Variants in PCDHGA3 observed in about 807,000 individuals in gnomAD.
PCDHGA3 encodes protocadherin gamma-A3.
In PCDHGA3, 40 loss-of-function variants were observed where a neutral mutation model predicts 58.5. The ratio of observed to expected loss-of-function variants is 0.68; its 90% confidence interval spans 0.53 to 0.89. The LOEUF is 0.89. Among genes scored for constraint, PCDHGA3 ranks in the 40% least tolerant of loss-of-function variants. The probability of loss-of-function intolerance (pLI) is 0.00; values close to 1 mark genes in which losing one functional copy is unlikely to be tolerated. For synonymous variants in PCDHGA3, 530 were observed against 525.7 expected, an observed-to-expected ratio of 1.01 and a Z score of -0.11; for missense variants, 1,223 against 1,195.9, an observed-to-expected ratio of 1.02 and a Z score of -0.33.
Position 141,431,883 on chromosome 5 carries a change from A to T in PCDHGA3, c.2425-62924A>T, listed in dbSNP as rs748968989. 6.8e-6 allele frequency: 11 copies of T among 1,614,118 alleles called. No individual in the cohort carries two copies. The highest frequency in any genetic ancestry group is 1.1e-5 in the South Asian group (1 of 91,084). On this transcript the variant is annotated intron_variant, in intron 1 of 3. Transcript: ENST00000253812. The surrounding 1 kb of genome is among the most constrained non-coding windows in gnomAD (Gnocchi z 4.8). ...GCCCTTTTAAATGTAAATGACCAAG[A>T]TTCTGAGGAAAACGGACAGGTGATC...
In PCDHGA3 at chr5:141,476,606, G is replaced by A; in HGVS notation, c.2425-18201G>A. 1 of 1,614,244 alleles carries A rather than the reference G, an allele frequency of 6.2e-7. No homozygotes were observed. Among genetic ancestry groups the A allele is most frequent in the Non-Finnish European group, 8.5e-7 (1 of 1,180,046 alleles). Reference sequence around the variant, plus strand: ...GCTCGAGAGCGCGCACGATCCCGATGTGGGAAGCAACTCTTTACAAACCTA... The same window carrying A: ...GCTCGAGAGCGCGCACGATCCCGATATGGGAAGCAACTCTTTACAAACCTA... On this transcript the variant is annotated intron_variant, in intron 1 of 3. Transcript: ENST00000253812. The surrounding 1 kb of genome is among the most constrained non-coding windows in gnomAD (Gnocchi z 7.6).
chr5:141,355,458 C>T lies in PCDHGA3; in HGVS notation c.2424+9001C>T, dbSNP rs1759862433. The T allele has an allele frequency of 3.1e-6, 5 of 1,614,050 alleles. No individual in the cohort carries two copies. The South Asian group carries it at 5.5e-5, about 18-fold the overall frequency. ...ACCCGCGCAGCGGCACCTTGGTCAC[C>T]GCGGGTAGGATAGACAGGGAGGAGC... On this transcript the variant is annotated intron_variant, in intron 1 of 3. Coordinates refer to ENST00000253812, the MANE Select transcript of PCDHGA3 (RefSeq NM_018916.4).
intron 1 of PCDHGA3, chr5:141,350,837 C>A: frequency 6.2e-7 from 1 of 1,614,044 alleles, no homozygotes; most frequent in African/African-American, 1.3e-5. Flanking sequence ...GGTATTACTG[C>A]TGGAAAAACC....
chr5:141,427,192 A>G (rs1191677237), intron 1 of PCDHGA3: 2 of 456,566 alleles, frequency 4.4e-6, no homozygotes, highest in African/African-American at 4.0e-5. Flanking sequence ...AAATCCAAAG[A>G]CTTAATAGAC....
chr5:141,412,992 G>A (rs1367027301), intron 1 of PCDHGA3: 1 of 568,350 alleles, frequency 1.8e-6, no homozygotes, highest in Non-Finnish European at 3.0e-6. Flanking sequence ...AGCTCAATCC[G>A]GATTCTCAGG....
Position 141,490,667 on chromosome 5 carries a change from T to C in PCDHGA3, c.2425-4140T>C, listed in dbSNP as rs906656199. The stretch of plus-strand genomic sequence containing the variant: ...CCTCCGGGCTCCCTTCTTTGCACTG[T>C]GGCTGCCTCAGATCCAGACACTGGG... On this transcript the variant is annotated intron_variant, in intron 1 of 3. Transcript: ENST00000253812. This position sits in a 1 kb window ranked among gnomAD's most constrained non-coding sequence, Gnocchi z 5.4. The C allele has an allele frequency of 6.8e-6, 11 of 1,614,206 alleles. 1 individual carries two copies. The highest frequency in any genetic ancestry group is 4.5e-5 in the East Asian group (2 of 44,876).
At chr5:141,427,411 A>C (rs1256606726) in intron 1 of PCDHGA3, 2 of 464,124 alleles carry the variant, frequency 4.3e-6, no homozygotes, top group Admixed American at 2.3e-5. Flanking sequence ...GATTCGAGAG[A>C]AAATGGGGAG....
intron 1 of PCDHGA3, among the ~76,000 whole-genome samples, chr5:141,435,652 G>C (rs978809372): frequency 6.6e-6 from 1 of 152,108 alleles, no homozygotes; most frequent in Non-Finnish European, 1.5e-5. Context: ...TTTCTGAAAC[G>C]TGCACAGATT....
At chr5:141,413,605 G>A in intron 1 of PCDHGA3, 1 of 1,613,854 alleles carries the variant, frequency 6.2e-7, no homozygotes, top group Non-Finnish European at 8.5e-7. Flanking sequence ...AAATCTAGAC[G>A]TAAAAATTAA....
intron 1 of PCDHGA3, chr5:141,410,860 T>TTTTTTTTTTTTTTTTTTG: frequency 2.3e-6 from 1 of 442,030 alleles, no homozygotes; most frequent in Non-Finnish European, 3.7e-6. Flanking sequence ...TTTTTTTTTT[T>TTTTTTTTTTTTTTTTTTG]TTTTTTTTTT....
At position 141,430,677 on chromosome 5, in the gene PCDHGA3, T is replaced by C. The variant is rs888907330; in HGVS notation, c.2425-64130T>C. On this transcript the variant is annotated intron_variant, in intron 1 of 3. Coordinates refer to ENST00000253812, the MANE Select transcript of PCDHGA3 (RefSeq NM_018916.4). ...AACGGAGGAGCTCTGACTTCCCAAC[T>C]GTCCCATTCTATGGGCGAAGGAACT... 1.2e-5 allele frequency: 15 copies of C among 1,303,020 alleles called. No individual in the cohort carries two copies. In the African/African-American group the frequency reaches 2.1e-4, roughly 18 times the overall value. The allele number at this position is 1,303,020 out of a possible 1,614,324, so 80.7% of individuals were successfully genotyped here. A position where few individuals can be genotyped will look rare whatever the true frequency, so the allele number is the denominator to read the frequency against.
In PCDHGA3 at chr5:141,477,590, C is replaced by T. The variant is rs1465863595; in HGVS notation, c.2425-17217C>T. On this transcript the variant is annotated intron_variant, in intron 1 of 3. Coordinates refer to ENST00000253812, the MANE Select transcript of PCDHGA3 (RefSeq NM_018916.4). This position sits in a 1 kb window ranked among gnomAD's most constrained non-coding sequence, Gnocchi z 4.9. ...CCCCGACGCCCCGCAGAATGCTCGG[C>T]TTTCTTTCTTTCTCTTGGAGCAAGG... The T allele has an allele frequency of 1.2e-6, 2 of 1,614,122 alleles. No individual in the cohort carries two copies. Among genetic ancestry groups the T allele is most frequent in the South Asian group, 2.2e-5 (2 of 91,080 alleles).
At chr5:141,398,356 G>A (rs1242233046) in intron 1 of PCDHGA3, 2 of 1,409,378 alleles carry the variant, frequency 1.4e-6, no homozygotes, top group South Asian at 1.2e-5. Context: ...TTACTTCACC[G>A]TGAGCGCAGA....
rs563654735 is a variant in PCDHGA3 at position 141,365,009 on chromosome 5, C to T, written c.2424+18552C>T. On this transcript the variant is annotated intron_variant, in intron 1 of 3. Coordinates refer to ENST00000253812, the MANE Select transcript of PCDHGA3 (RefSeq NM_018916.4). ...AGACCCGGTACTCTCCGGCACCACG[C>T]ACATCCGTGTTACGGTCCTCGACGC... The T allele has an allele frequency of 7.4e-5, 119 of 1,613,926 alleles. No homozygotes were observed. The East Asian group carries it at 2.6e-3, about 36-fold the overall frequency.
At chr5:141,403,789 C>G (rs1230029917) in intron 1 of PCDHGA3, 1 of 1,613,864 alleles carries the variant, frequency 6.2e-7, no homozygotes. Context: ...AAGTGGCATA[C>G]AAATTCTGGA....
Position 141,476,247 on chromosome 5 carries a change from G to A in PCDHGA3, c.2425-18560G>A. The A allele has an allele frequency of 6.2e-7, 1 of 1,614,042 alleles. No individual in the cohort carries two copies. Among genetic ancestry groups the A allele is most frequent in the Non-Finnish European group, 8.5e-7 (1 of 1,180,010 alleles). Reference sequence around the variant, plus strand: ...GAGATCCCGGAGGAAAGAGAGAAGGGTTTCGCTGTGGGCAACGTGGTCGCG... The same window carrying A: ...GAGATCCCGGAGGAAAGAGAGAAGGATTTCGCTGTGGGCAACGTGGTCGCG... On this transcript the variant is annotated intron_variant, in intron 1 of 3. Transcript: ENST00000253812. This position sits in a 1 kb window ranked among gnomAD's most constrained non-coding sequence, Gnocchi z 7.6.
intron 1 of PCDHGA3, chr5:141,372,650 C>T (rs1768944912): frequency 6.2e-7 from 1 of 1,614,008 alleles, no homozygotes; most frequent in African/African-American, 1.3e-5. Context: ...CTTATTCCTA[C>T]AATCCGTGTG....
chr5:141,382,044 G>T (rs940702463), intron 1 of PCDHGA3, among the ~76,000 whole-genome samples: 4 of 151,760 alleles, frequency 2.6e-5, no homozygotes, highest in African/African-American at 9.7e-5. Flanking sequence ...GGTCAGGCTG[G>T]TCTCAAGCTC....
chr5:141,383,308 G>T, intron 1 of PCDHGA3: 1 of 1,613,976 alleles, frequency 6.2e-7, no homozygotes, highest in Non-Finnish European at 8.5e-7. Context: ...CTTGACGGAA[G>T]AAATAAATGT....
Sources: gnomAD v4.1 joint callset for allele counts (sites outside exome capture counted in the v4.1 genomes callset) on GRCh38, gnomAD v4.1.1 for gene constraint, Gnocchi (gnomAD v3.1) non-coding constraint, MANE v1.5 for transcripts, NCBI Gene and HGNC (gene_info 2026-07-23, HGNC 2026-07-21) for gene names.